SIAH3: variants seen among roughly 807,000 people sequenced by gnomAD.
SIAH3 encodes seven in absentia homolog 3.
Under a neutral mutation model 12.6 loss-of-function variants are expected in SIAH3, and 9 were observed. The observed-to-expected ratio is 0.72, with a 90% CI of 0.43 to 1.25. The LOEUF (loss-of-function observed/expected upper bound fraction) is 1.25. SIAH3 is among the 50% of genes most tolerant of loss of function. The pLI, the probability that SIAH3 is intolerant of heterozygous loss-of-function variation, is 0.00. For missense variants in SIAH3, 390 were observed against 365.4 expected, an observed-to-expected ratio of 1.07 and a Z score of -0.55; for synonymous variants, 154 against 151.1, an observed-to-expected ratio of 1.02 and a Z score of -0.14.
rs1950659752 is a variant in SIAH3, at chr13:45,822,553, A to ATATATATATATATATATATATATG, written c.135+28941_135+28942insCATATATATATATATATATATATA. On this transcript the variant is annotated intron_variant, in intron 1 of 1. Coordinates refer to ENST00000400405, the MANE Select transcript of SIAH3 (RefSeq NM_198849.3). ...TATATATATATATATATATATATAT[A>ATATATATATATATATATATATATG]TATTAGACTAGGGAACAGGCAAAAA... Among the ~76,000 whole-genome samples the ATATATATATATATATATATATATG allele has an allele frequency of 2.1e-5, 3 of 139,738 alleles. No individual in the cohort carries two copies. In the Admixed American group the frequency reaches 2.2e-4, roughly 10 times the overall value. 91.7% of individuals were successfully genotyped at this position (139,738 alleles called of 152,430 possible).
At chr13:45,817,572 G>T (rs2137568166) in intron 1 of SIAH3, among the ~76,000 whole-genome samples, 1 of 152,292 alleles carries the variant, frequency 6.6e-6, no homozygotes, top group Non-Finnish European at 1.5e-5. Context: ...CTTATACGAG[G>T]GAGGCAGAGG....
intron 1 of SIAH3, among the ~76,000 whole-genome samples, chr13:45,796,543 T>TC: frequency 6.6e-6 from 1 of 152,146 alleles, no homozygotes; most frequent in Non-Finnish European, 1.5e-5. Flanking sequence ...TGGCTGACAC[T>TC]CCCAGGGAGA....
At position 45,777,305 on chromosome 13, in the gene SIAH3, G is replaced by A. The variant is rs978575704; in HGVS notation, c.*6078C>T. Reference sequence around the variant, plus strand: ...TCTATGAGAGGGCAGAGATGAAGTAGCAGTTTGAGTTTGTCCAAGTTATTG... The same window carrying A: ...TCTATGAGAGGGCAGAGATGAAGTAACAGTTTGAGTTTGTCCAAGTTATTG... On this transcript the variant is annotated 3_prime_UTR_variant, in exon 2 of 2. Transcript: ENST00000400405. 2 of 152,184 alleles carry A rather than the reference G, an allele frequency of 1.3e-5. No individual in the cohort carries two copies. Among genetic ancestry groups the A allele is most frequent in the African/African-American group, 2.4e-5 (1 of 41,440 alleles). 9.4% of individuals were successfully genotyped at this position (152,184 alleles called of 1,614,324 possible).
chr13:45,840,674 G>T (rs1950736867), intron 1 of SIAH3, among the ~76,000 whole-genome samples: 1 of 152,124 alleles, frequency 6.6e-6, no homozygotes, highest in Non-Finnish European at 1.5e-5. Context: ...CCCCGAGCCG[G>T]AGCATCTTTG....
At chr13:45,806,075 G>A (rs1214036017) in intron 1 of SIAH3, among the ~76,000 whole-genome samples, 1 of 152,058 alleles carries the variant, frequency 6.6e-6, no homozygotes, top group Non-Finnish European at 1.5e-5. Flanking sequence ...ATAACATGTT[G>A]ATGAGGTTGT....
chr13:45,820,391 G>A (rs565567923), intron 1 of SIAH3, among the ~76,000 whole-genome samples: 322 of 152,294 alleles, frequency 2.1e-3, no homozygotes, highest in Non-Finnish European at 3.7e-3. Context: ...CGGGCCAGGG[G>A]CTGCGTCTCC....
chr13:45,816,399 C>T lies in SIAH3; in HGVS notation c.136-32342G>A, dbSNP rs556537932. ...TTTATCCAGAAAAACACAGCAATATCCCAGCCAAAGAAGACAGGGTGTTTA... is the reference window on the plus strand; with the variant it reads ...TTTATCCAGAAAAACACAGCAATATTCCAGCCAAAGAAGACAGGGTGTTTA... On this transcript the variant is annotated intron_variant, in intron 1 of 1. Transcript: ENST00000400405. Among the ~76,000 whole-genome samples the T allele has an allele frequency of 5.3e-5, 8 of 152,348 alleles. No individual in the cohort carries two copies. The East Asian group carries it at 1.3e-3, about 26-fold the overall frequency.
At chr13:45,827,420 AC>A in intron 1 of SIAH3, among the ~76,000 whole-genome samples, 1 of 152,314 alleles carries the variant, frequency 6.6e-6, no homozygotes, top group Non-Finnish European at 1.5e-5. Context: ...TGTAAGAAAA[AC>A]AAACCTCTAC....
chr13:45,816,266 G>A (rs1053474781), intron 1 of SIAH3, among the ~76,000 whole-genome samples: 1 of 152,210 alleles, frequency 6.6e-6, no homozygotes, highest in Middle Eastern at 3.2e-3. Flanking sequence ...CACAAGGACT[G>A]CAGAGAATGG....
chr13:45,818,236 C>T (rs1394824091), intron 1 of SIAH3, among the ~76,000 whole-genome samples: 2 of 152,152 alleles, frequency 1.3e-5, no homozygotes, highest in Non-Finnish European at 2.9e-5. Context: ...TTCTCATTCC[C>T]CTACTGGTGT....
chr13:45,792,298 A>T (rs959853740), intron 1 of SIAH3, among the ~76,000 whole-genome samples: 1 of 152,090 alleles, frequency 6.6e-6, no homozygotes, highest in Non-Finnish European at 1.5e-5. Context: ...CTGGGTTAGG[A>T]AGAAAGTGAG....
intron 1 of SIAH3, among the ~76,000 whole-genome samples, chr13:45,845,718 A>AT (rs555671392): frequency 2.6e-5 from 4 of 151,934 alleles, no homozygotes; most frequent in African/African-American, 4.8e-5. Flanking sequence ...AAATTTTTAA[A>AT]TTTTTTTTCC....
chr13:45,783,541 G>T lies in SIAH3; in HGVS notation c.652C>A (p.Pro218Thr). ...TCCACGCACTCAAGAACAGACCGGGGCGTGGCCTCCCACTTGAGGCGCCGA... is the reference window on the plus strand; with the variant it reads ...TCCACGCACTCAAGAACAGACCGGGTCGTGGCCTCCCACTTGAGGCGCCGA... The part of the protein sequence containing the change: ...NHRRLKWEAT[P>T]RSVLECVDSV... Residue 218 changes from proline to threonine, a missense_variant, in exon 2 of 2, where the codon CCC becomes ACC. By Grantham distance (38) the Pro-to-Thr change is conservative. Transcript: ENST00000400405. 1 of 1,614,242 alleles carries T rather than the reference G, an allele frequency of 6.2e-7. No homozygotes were observed. Among genetic ancestry groups the T allele is most frequent in the Non-Finnish European group, 8.5e-7 (1 of 1,180,040 alleles).
chr13:45,783,475 A>C lies in SIAH3; in HGVS notation c.718T>G (p.Ser240Ala). ...TTGTCAGAGAAGAGCTGTGCCAGCGAGGTGTTGAGGACGAGGCAGTCCCCG... is the reference window on the plus strand; with the variant it reads ...TTGTCAGAGAAGAGCTGTGCCAGCGCGGTGTTGAGGACGAGGCAGTCCCCG... ...TDGDCLVLNT[S>A]LAQLFSDNGS... Residue 240 changes from serine to alanine, a missense_variant, in exon 2 of 2, where the codon TCG (serine) becomes GCG (alanine). By Grantham distance (99) the Ser-to-Ala change is moderately conservative. Transcript: ENST00000400405. 2 of 1,614,118 alleles carry C rather than the reference A, an allele frequency of 1.2e-6. No individual in the cohort carries two copies. Among genetic ancestry groups the C allele is most frequent in the African/African-American group, 1.3e-5 (1 of 75,034 alleles).
At chr13:45,823,843 G>C (rs1320206730) in intron 1 of SIAH3, among the ~76,000 whole-genome samples, 1 of 152,238 alleles carries the variant, frequency 6.6e-6, no homozygotes, top group Non-Finnish European at 1.5e-5. Context: ...GATCTGGGCT[G>C]TGACCTGGTG....
intron 1 of SIAH3, among the ~76,000 whole-genome samples, chr13:45,819,235 T>A (rs1950646348): frequency 6.6e-6 from 1 of 152,334 alleles, no homozygotes; most frequent in Admixed American, 6.5e-5. Context: ...GCCTCCAGAT[T>A]GCTTTAATAT....
intron 1 of SIAH3, among the ~76,000 whole-genome samples, chr13:45,791,582 C>T (rs1950545805): frequency 6.6e-6 from 1 of 152,130 alleles, no homozygotes; most frequent in Non-Finnish European, 1.5e-5. Context: ...CAGAACCCAA[C>T]AGTGATGGAA....
chr13:45,834,627 G>T (rs1260570667), intron 1 of SIAH3, among the ~76,000 whole-genome samples: 1 of 152,176 alleles, frequency 6.6e-6, no homozygotes, highest in Admixed American at 6.5e-5. Context: ...TTCCAGCTCA[G>T]TGTCTGTGGG....
chr13:45,784,798 C>T (rs12856198), intron 1 of SIAH3, among the ~76,000 whole-genome samples: 45,014 of 152,068 alleles, frequency 0.3, 7,029 homozygotes, highest in African/African-American at 0.38. Context: ...CTCATGGTGG[C>T]GTGCCCACAA....
Sources: gnomAD v4.1 joint callset for allele counts (sites outside exome capture counted in the v4.1 genomes callset) on GRCh38, gnomAD v4.1.1 for gene constraint, MANE v1.5 for transcripts, NCBI Gene and HGNC (gene_info 2026-07-23, HGNC 2026-07-21) for gene names.